C12orf56: variants seen among roughly 807,000 people sequenced by gnomAD.
C12orf56 encodes the protein uncharacterized protein C12orf56.
Under a neutral mutation model 69.9 loss-of-function variants are expected in C12orf56, and 71 were observed. The observed-to-expected ratio is 1.02, with a 90% CI of 0.84 to 1.24. C12orf56 has a LOEUF of 1.24. Among genes scored for constraint, C12orf56 ranks in the 50% most tolerant of loss-of-function variants. The probability of loss-of-function intolerance (pLI) is 0.00; values close to 1 mark genes in which losing one functional copy is unlikely to be tolerated. For missense variants in C12orf56, 732 were observed against 738.5 expected (o/e 0.99, Z 0.10); for synonymous variants, 276 against 274.1 (o/e 1.01, Z -0.07).
chr12:64,302,024 G>T (rs889320074), intron 6 of C12orf56, among the ~76,000 whole-genome samples: 1 of 152,140 alleles, frequency 6.6e-6, no homozygotes. Flanking sequence ...ATACAATCAG[G>T]GTTGTAGATT....
At chr12:64,300,104 G>T (rs1234037988) in intron 6 of C12orf56, among the ~76,000 whole-genome samples, 3 of 152,036 alleles carry the variant, frequency 2.0e-5, no homozygotes, top group African/African-American at 4.8e-5. Context: ...GACAGGAAAG[G>T]CAGAAAATGG....
At chr12:64,314,927 A>G (rs1300527947) in intron 4 of C12orf56, among the ~76,000 whole-genome samples, 1 of 129,262 alleles carries the variant, frequency 7.7e-6, no homozygotes, top group African/African-American at 2.9e-5. Context: ...GAGCCACCGC[A>G]TCCGGCCAGC....
At chr12:64,365,802 GTATAA>G (rs2039464086) in intron 1 of C12orf56, among the ~76,000 whole-genome samples, 1 of 135,790 alleles carries the variant, frequency 7.4e-6, no homozygotes, top group South Asian at 2.2e-4. Context: ...TATATATTAT[GTATAA>G]TATATAGTGT....
intron 5 of C12orf56, among the ~76,000 whole-genome samples, chr12:64,309,335 C>T (rs546808125): frequency 1.5e-4 from 23 of 152,304 alleles, no homozygotes; most frequent in African/African-American, 5.5e-4. Flanking sequence ...TATTTTCTGT[C>T]TCTATAAATT....
chr12:64,347,521 T>G (rs2039162691), intron 2 of C12orf56, among the ~76,000 whole-genome samples: 1 of 151,964 alleles, frequency 6.6e-6, no homozygotes, highest in South Asian at 2.1e-4. Context: ...CCTGACTTCA[T>G]GATCCTTGGC....
intron 5 of C12orf56, among the ~76,000 whole-genome samples, chr12:64,307,614 C>T (rs1361820110): frequency 1.3e-5 from 2 of 152,070 alleles, no homozygotes; most frequent in African/African-American, 4.8e-5. Context: ...AACGATCTGC[C>T]CGCCTCAGCC....
At chr12:64,337,072 C>T (rs999558937) in intron 2 of C12orf56, among the ~76,000 whole-genome samples, 9 of 152,082 alleles carry the variant, frequency 5.9e-5, no homozygotes, top group Non-Finnish European at 1.3e-4. Flanking sequence ...AATGCAAAGT[C>T]CATGTTCTTT....
chr12:64,359,185 T>C (rs184589409), intron 1 of C12orf56, among the ~76,000 whole-genome samples: 1 of 152,286 alleles, frequency 6.6e-6, no homozygotes, highest in East Asian at 1.9e-4. Context: ...TCTGAACAGT[T>C]AGGCCTGTTT....
Position 64,313,274 on chromosome 12 carries a change from A to AAAAAG in C12orf56, c.895-523_895-522insCTTTT, listed in dbSNP as rs762664621. Among the ~76,000 whole-genome samples, 47 of 81,398 alleles carry AAAAAG rather than the reference A, an allele frequency of 5.8e-4. 1 individual carries two copies. Among genetic ancestry groups the AAAAAG allele is most frequent in the African/African-American group, 8.9e-4 (19 of 21,280 alleles). The allele number at this position is 81,398 out of a possible 152,430, so 53.4% of individuals were successfully genotyped here. A position where few individuals can be genotyped will look rare whatever the true frequency, so the allele number is the denominator to read the frequency against. ...GAGACTCTGTCTCAAAAAAAAAAAA[A>AAAAAG]AAAGAAAGAAAGAAAGAAAGAAAGA... is the stretch of plus-strand genomic sequence containing the variant. On this transcript the variant is annotated intron_variant, in intron 4 of 12. Transcript: ENST00000543942.
intron 6 of C12orf56, among the ~76,000 whole-genome samples, chr12:64,297,955 C>G: frequency 6.6e-6 from 1 of 152,130 alleles, no homozygotes; most frequent in East Asian, 1.9e-4. Context: ...CTTGTGGAAT[C>G]GCCACACTGC....
At position 64,342,621 on chromosome 12, in the gene C12orf56, G is replaced by A. The variant is rs535625007; in HGVS notation, c.415+10273C>T. On this transcript the variant is annotated intron_variant, in intron 2 of 12. Coordinates refer to ENST00000543942, the MANE Select transcript of C12orf56 (RefSeq NM_001170633.2). ...CACATATATACCACTTCCATTTGAT[G>A]ATGGAATGCTGCTGTGCATGATCCA... 1.6e-4 allele frequency among the ~76,000 whole-genome samples: 24 copies of A among 152,316 alleles called. No individual in the cohort carries two copies. The East Asian group carries it at 4.4e-3, about 28-fold the overall frequency.
At chr12:64,388,331 C>T (rs886576398) in intron 1 of C12orf56, among the ~76,000 whole-genome samples, 2 of 152,286 alleles carry the variant, frequency 1.3e-5, no homozygotes, top group African/African-American at 2.4e-5. Flanking sequence ...ACTGCAGCCT[C>T]GAACTCCTTA....
At chr12:64,315,820 A>G (rs2038684621) in intron 4 of C12orf56, among the ~76,000 whole-genome samples, 1 of 151,578 alleles carries the variant, frequency 6.6e-6, no homozygotes, top group Non-Finnish European at 1.5e-5. Context: ...AATCCCAGCT[A>G]CTGGAGAGGC....
intron 8 of C12orf56, among the ~76,000 whole-genome samples, chr12:64,282,647 G>A (rs1202074313): frequency 6.6e-6 from 1 of 151,724 alleles, no homozygotes; most frequent in Admixed American, 6.6e-5. Flanking sequence ...ATGATGGCAT[G>A]TACCTGTGGT....
intron 6 of C12orf56, among the ~76,000 whole-genome samples, chr12:64,301,547 T>A (rs1392709034): frequency 1.3e-5 from 2 of 152,174 alleles, no homozygotes; most frequent in Non-Finnish European, 2.9e-5. Flanking sequence ...TTCAGGACCT[T>A]CCTTAGGTCC....
chr12:64,361,984 G>A (rs907744387), intron 1 of C12orf56, among the ~76,000 whole-genome samples: 2 of 152,078 alleles, frequency 1.3e-5, no homozygotes, highest in African/African-American at 4.8e-5. Flanking sequence ...TGCCCACCTC[G>A]GCGTCCCAAG....
chr12:64,303,498 C>T (rs998252880), intron 6 of C12orf56, 137 bp downstream of exon 6: 6 of 730,250 alleles, frequency 8.2e-6, no homozygotes, highest in Non-Finnish European at 1.3e-5. Context: ...TAAGACATGA[C>T]TACATTAAAT....
rs552998347 is a variant in C12orf56 at position 64,353,573 on chromosome 12, C to T, written c.253-517G>A. ...TTTTAGTCCTTACCAAAAATGTGCT[C>T]GACAACAGAACCCAAGAAACTATTT... On this transcript the variant is annotated intron_variant, in intron 1 of 12. Transcript: ENST00000543942. Among the ~76,000 whole-genome samples the T allele has an allele frequency of 5.3e-5, 8 of 152,110 alleles. No individual in the cohort carries two copies. The South Asian group carries it at 1.0e-3, about 20-fold the overall frequency.
chr12:64,315,256 G>A (rs1236155484), intron 4 of C12orf56, among the ~76,000 whole-genome samples: 1 of 151,324 alleles, frequency 6.6e-6, no homozygotes, highest in Non-Finnish European at 1.5e-5. Context: ...TGGGTGGATG[G>A]TGGCAAGGGA....
Sources: allele counts gnomAD v4.1 joint callset (sites outside exome capture counted in the v4.1 genomes callset), GRCh38; gene constraint gnomAD v4.1.1; transcripts MANE v1.5; gene names NCBI Gene and HGNC (gene_info 2026-07-23, HGNC 2026-07-21).